Variants in IQSEC1 observed in about 807,000 individuals in gnomAD.
IQSEC1 encodes the protein IQ motif and Sec7 domain ArfGEF 1.
Under a neutral mutation model 91.0 loss-of-function variants are expected in IQSEC1, and 31 were observed. That is an observed-to-expected ratio of 0.34 (90% CI 0.26 to 0.46). IQSEC1 has a LOEUF of 0.46. IQSEC1 is among the 20% of genes least tolerant of loss of function. The pLI, the probability that IQSEC1 is intolerant of heterozygous loss-of-function variation, is 1.00. For synonymous variants in IQSEC1, 699 were observed against 662.6 expected (o/e 1.05, Z -0.84); for missense variants, 1,388 against 1,575.6 (o/e 0.88, Z 2.02).
At chr3:13,097,563 C>G (rs1041664560) in intron 2 of IQSEC1, among the ~76,000 whole-genome samples, 7 of 152,214 alleles carry the variant, frequency 4.6e-5, no homozygotes, top group Non-Finnish European at 7.3e-5. Flanking sequence ...GGCCCCTCAG[C>G]TCTGCAGCCG....
At chr3:13,080,121 G>C (rs143949427) in intron 2 of IQSEC1, among the ~76,000 whole-genome samples, 2 of 152,202 alleles carry the variant, frequency 1.3e-5, no homozygotes, top group Non-Finnish European at 2.9e-5. Flanking sequence ...TTCATTATGC[G>C]GGTAATGGCA....
intron 1 of IQSEC1, among the ~76,000 whole-genome samples, chr3:13,249,340 T>G (rs904847787): frequency 1.3e-5 from 2 of 151,602 alleles, no homozygotes; most frequent in Non-Finnish European, 2.9e-5. Context: ...CCCGGCTAAT[T>G]TTTTTGTATT....
At chr3:13,100,108 A>G (rs1706032294) in intron 2 of IQSEC1, among the ~76,000 whole-genome samples, 1 of 147,840 alleles carries the variant, frequency 6.8e-6, no homozygotes, top group African/African-American at 2.6e-5. Flanking sequence ...TGGCGTGGCG[A>G]GGGCTGCGGG....
chr3:13,136,840 T>C (rs1706719094), intron 2 of IQSEC1, among the ~76,000 whole-genome samples: 2 of 152,086 alleles, frequency 1.3e-5, no homozygotes, highest in Admixed American at 6.6e-5. Context: ...AGGACCACTT[T>C]AAAAATCATT....
rs35677467 is a variant in IQSEC1 at position 12,924,682 on chromosome 3, G to A, written c.1629C>T (p.Val543=). ...GCTGCAGCAGGAAGTGGGCCACCCC[G>A]ACGGGCGTGTCGGGCACAAAGCCAC... is the stretch of plus-strand genomic sequence containing the variant. ...IERGFVPDTP[V]GVAHFLLQRK... The change falls in exon 4 of 14, where the codon GTC becomes GTT. Residue 543 remains valine, a synonymous_variant. Transcript: ENST00000613206. This position sits in a 1 kb window ranked among gnomAD's most constrained non-coding sequence, Gnocchi z 6.3. 2.1e-4 allele frequency: 340 copies of A among 1,609,538 alleles called. No homozygotes were observed. In the African/African-American group the frequency reaches 3.8e-3, roughly 18 times the overall value.
At chr3:13,238,852 G>A (rs1353420963) in intron 1 of IQSEC1, among the ~76,000 whole-genome samples, 3 of 152,184 alleles carry the variant, frequency 2.0e-5, no homozygotes, top group Non-Finnish European at 4.4e-5. Context: ...GAGGGCTCTG[G>A]CCATTAAGGA....
intron 2 of IQSEC1, among the ~76,000 whole-genome samples, chr3:13,083,791 G>A (rs1705688946): frequency 6.6e-6 from 1 of 152,260 alleles, no homozygotes; most frequent in South Asian, 2.1e-4. Context: ...GCGACCTGAG[G>A]ATGAGATCTC....
At chr3:13,156,446 C>T (rs1425788014) in intron 2 of IQSEC1, among the ~76,000 whole-genome samples, 1 of 152,046 alleles carries the variant, frequency 6.6e-6, no homozygotes, top group Non-Finnish European at 1.5e-5. Context: ...TATTGGAAGT[C>T]CTAGATAGGC....
chr3:13,117,947 A>T (rs542229281), intron 2 of IQSEC1, among the ~76,000 whole-genome samples: 226 of 152,236 alleles, frequency 1.5e-3, no homozygotes, highest in African/African-American at 5.1e-3. Flanking sequence ...TCTGATAAGG[A>T]TCTAGTATCC....
chr3:13,106,060 G>A (rs1009000178), intron 2 of IQSEC1, among the ~76,000 whole-genome samples: 1 of 152,148 alleles, frequency 6.6e-6, no homozygotes, highest in African/African-American at 2.4e-5. Context: ...CCAATAGAGG[G>A]AGCCTGGGTT....
chr3:13,190,161 G>T (rs533033329), intron 1 of IQSEC1, among the ~76,000 whole-genome samples: 2 of 152,300 alleles, frequency 1.3e-5, no homozygotes, highest in Admixed American at 6.5e-5. Context: ...CTGGGTCCAA[G>T]AACCCTCCCC....
At chr3:13,055,418 T>C (rs897919295) in intron 1 of IQSEC1, among the ~76,000 whole-genome samples, 12 of 152,198 alleles carry the variant, frequency 7.9e-5, no homozygotes, top group Admixed American at 5.9e-4. Flanking sequence ...TCATCCAATC[T>C]AGTCTCCATG....
rs907483217 is a variant in IQSEC1 at position 12,992,052 on chromosome 3, T to C, written c.24-50187A>G. ...CAGAGGTGAGCACAGGCCCCCTCCC[T>C]TGTCCCTCCACTGCAGAGACCTCTG... On this transcript the variant is annotated intron_variant, in intron 1 of 13. Transcript: ENST00000613206. This position sits in a 1 kb window ranked among gnomAD's most constrained non-coding sequence, Gnocchi z 4.1. Among the ~76,000 whole-genome samples the C allele has an allele frequency of 6.6e-6, 1 of 152,094 alleles. No homozygotes were observed. The highest frequency in any genetic ancestry group is 1.5e-5 in the Non-Finnish European group (1 of 68,004).
chr3:13,171,323 C>A (rs565790444), intron 1 of IQSEC1, among the ~76,000 whole-genome samples: 1 of 152,182 alleles, frequency 6.6e-6, no homozygotes, highest in African/African-American at 2.4e-5. Context: ...TCTTCCTAAA[C>A]GCTGTAATTG....
At chr3:13,032,103 G>A (rs574854172) in intron 1 of IQSEC1, among the ~76,000 whole-genome samples, 12 of 152,192 alleles carry the variant, frequency 7.9e-5, no homozygotes, top group African/African-American at 2.9e-4. Context: ...ACCTGTGCTC[G>A]CATACACACT....
chr3:13,248,823 G>A (rs1244783682), intron 1 of IQSEC1, among the ~76,000 whole-genome samples: 2 of 93,324 alleles, frequency 2.1e-5, no homozygotes, highest in South Asian at 3.2e-4. Flanking sequence ...TCACAGAGCT[G>A]CACAGAGAGG....
chr3:13,171,508 C>G lies in IQSEC1; in HGVS notation c.273-7375G>C, dbSNP rs185089204. ...CTGATCAGCCCCAACCACTTCTACA[C>G]CCCCAGGCCATTTCCCACTCCCTTC... On this transcript the variant is annotated intron_variant, in intron 1 of 15. Transcript: ENST00000648114. 4.4e-3 allele frequency among the ~76,000 whole-genome samples: 673 copies of G among 152,256 alleles called. 3 individuals carry two copies. The highest frequency in any genetic ancestry group is 0.016 in the African/African-American group (644 of 41,544).
intron 1 of IQSEC1, among the ~76,000 whole-genome samples, chr3:13,271,392 G>T (rs531477492): frequency 6.6e-6 from 1 of 152,038 alleles, no homozygotes; most frequent in South Asian, 2.1e-4. Flanking sequence ...AAATAAAAAA[G>T]AAAAAGAAGA....
At position 12,900,241 on chromosome 3, in the gene IQSEC1, T is replaced by C; in HGVS notation, c.*742A>G. The C allele has an allele frequency of 1.0e-6, 1 of 984,592 alleles. No individual in the cohort carries two copies. The highest frequency in any genetic ancestry group is 1.2e-6 in the Non-Finnish European group (1 of 829,220). 61.0% of individuals were successfully genotyped at this position (984,592 alleles called of 1,614,324 possible). A position where few individuals can be genotyped will look rare whatever the true frequency, so the allele number is the denominator to read the frequency against. The stretch of plus-strand genomic sequence containing the variant: ...TACTTGGCACAGTTAGTAATGATTG[T>C]GTAAAGATTTTAGCCAGTCCTAGAG... On this transcript the variant is annotated 3_prime_UTR_variant, in exon 14 of 14. Coordinates refer to ENST00000613206, the MANE Select transcript of IQSEC1 (RefSeq NM_001134382.3).
Sources: gnomAD v4.1 joint callset for allele counts (sites outside exome capture counted in the v4.1 genomes callset) on GRCh38, gnomAD v4.1.1 for gene constraint, Gnocchi (gnomAD v3.1) non-coding constraint, MANE v1.5 for transcripts, NCBI Gene and HGNC (gene_info 2026-07-23, HGNC 2026-07-21) for gene names.